The following SGMS1 variants were observed in gnomAD, a reference collection of about 807,000 sequenced individuals.
SGMS1 encodes phosphatidylcholine:ceramide cholinephosphotransferase 1.
Under a neutral mutation model 46.2 loss-of-function variants are expected in SGMS1, and 13 were observed. The ratio of observed to expected loss-of-function variants is 0.28; its 90% CI spans 0.18 to 0.45. SGMS1 has a LOEUF of 0.45. Among genes scored for constraint, SGMS1 ranks in the 20% least tolerant of loss-of-function variants. The pLI is 1.00. For synonymous variants in SGMS1, 203 were observed against 187.8 expected, an observed-to-expected ratio of 1.08 and a Z score of -0.66; for missense variants, 324 against 519.9, an observed-to-expected ratio of 0.62 and a Z score of 3.66.
intron 2 of SGMS1, among the ~76,000 whole-genome samples, chr10:50,541,573 AG>A (rs1438607840): frequency 1.1e-4 from 16 of 152,276 alleles, no homozygotes; most frequent in African/African-American, 3.4e-4. Flanking sequence ...TCAGCTTGCC[AG>A]GTCATCTTGC....
At chr10:50,379,515 G>A (rs963301638) in intron 6 of SGMS1, among the ~76,000 whole-genome samples, 1 of 152,006 alleles carries the variant, frequency 6.6e-6, no homozygotes, top group Non-Finnish European at 1.5e-5. Flanking sequence ...AGGCTACGGA[G>A]GGACAGGGAT....
chr10:50,404,901 T>TGTG (rs1369450130), intron 6 of SGMS1, among the ~76,000 whole-genome samples: 1 of 152,106 alleles, frequency 6.6e-6, no homozygotes, highest in East Asian at 1.9e-4. Context: ...ATAAAGAAGA[T>TGTG]CTGTATGTGT....
chr10:50,507,709 C>T (rs1366326306), intron 3 of SGMS1, among the ~76,000 whole-genome samples: 1 of 152,144 alleles, frequency 6.6e-6, no homozygotes, highest in African/African-American at 2.4e-5. Context: ...AGCCAATAGC[C>T]TGGTATAATA....
intron 2 of SGMS1, among the ~76,000 whole-genome samples, chr10:50,543,091 CA>C: frequency 6.6e-6 from 1 of 152,264 alleles, no homozygotes; most frequent in African/African-American, 2.4e-5. Context: ...ATAAAGTTAG[CA>C]CCCAAACTGT....
At chr10:50,362,136 C>T (rs1233374573) in intron 6 of SGMS1, among the ~76,000 whole-genome samples, 5 of 152,126 alleles carry the variant, frequency 3.3e-5, no homozygotes, top group Admixed American at 3.3e-4. Flanking sequence ...CTTATGGTTC[C>T]AGAACATGGA....
At chr10:50,440,391 A>C (rs1849528851) in intron 5 of SGMS1, among the ~76,000 whole-genome samples, 1 of 152,054 alleles carries the variant, frequency 6.6e-6, no homozygotes, top group Non-Finnish European at 1.5e-5. Flanking sequence ...AAAGTAAATA[A>C]GGGCTTATTT....
At chr10:50,469,824 G>T (rs903890127) in intron 3 of SGMS1, among the ~76,000 whole-genome samples, 1 of 152,196 alleles carries the variant, frequency 6.6e-6, no homozygotes, top group African/African-American at 2.4e-5. Flanking sequence ...GGGTAAAAAG[G>T]AATGGGCATA....
intron 1 of SGMS1, among the ~76,000 whole-genome samples, chr10:50,621,615 C>T (rs1838850671): frequency 6.6e-6 from 1 of 152,212 alleles, no homozygotes; most frequent in Non-Finnish European, 1.5e-5. Flanking sequence ...GAGTAAGATA[C>T]TGGTTTAATA....
At chr10:50,543,686 C>G (rs1838075563) in intron 2 of SGMS1, among the ~76,000 whole-genome samples, 1 of 152,140 alleles carries the variant, frequency 6.6e-6, no homozygotes, top group Non-Finnish European at 1.5e-5. Flanking sequence ...CTTACGAATC[C>G]CAAAAGCCAA....
chr10:50,411,011 G>A (rs913527270), intron 6 of SGMS1, among the ~76,000 whole-genome samples: 7 of 152,080 alleles, frequency 4.6e-5, no homozygotes, highest in African/African-American at 1.2e-4. Context: ...ATTTCTTTTG[G>A]AGTCAGGTCT....
At chr10:50,488,229 G>C (rs1235739723) in intron 3 of SGMS1, among the ~76,000 whole-genome samples, 1 of 151,846 alleles carries the variant, frequency 6.6e-6, no homozygotes, top group African/African-American at 2.4e-5. Flanking sequence ...GGCCAGGCTG[G>C]TCTCGAATTC....
intron 6 of SGMS1, among the ~76,000 whole-genome samples, chr10:50,420,397 C>T (rs1588809012): frequency 6.6e-6 from 1 of 152,182 alleles, no homozygotes; most frequent in African/African-American, 2.4e-5. Context: ...GTCTTCTAGC[C>T]GCTGTTCCAG....
At chr10:50,612,746 T>C (rs1432385352) in intron 1 of SGMS1, among the ~76,000 whole-genome samples, 1 of 152,194 alleles carries the variant, frequency 6.6e-6, no homozygotes, top group Non-Finnish European at 1.5e-5. Flanking sequence ...CCTCGCTCTG[T>C]CGCCCAGGCT....
In SGMS1 at chr10:50,566,801, G is replaced by A. The variant is rs114034160; in HGVS notation, c.-589+23352C>T. 8.1e-3 allele frequency among the ~76,000 whole-genome samples: 1,235 copies of A among 152,264 alleles called. 19 individuals carry two copies. The highest frequency in any genetic ancestry group is 0.028 in the African/African-American group (1,144 of 41,554). On this transcript the variant is annotated intron_variant, in intron 2 of 10. Coordinates refer to ENST00000361781, the MANE Select transcript of SGMS1 (RefSeq NM_147156.4). ...AAAGCTTAAGTCTCTGATGTAAAAC[G>A]GTGAAGCATTTGCATATAACCTATG...
intron 6 of SGMS1, among the ~76,000 whole-genome samples, chr10:50,373,177 G>T (rs896819929): frequency 2.6e-5 from 4 of 152,170 alleles, no homozygotes; most frequent in Non-Finnish European, 5.9e-5. Flanking sequence ...GCTTTTGAAA[G>T]TATGATAATT....
upstream of SGMS1, chr10:50,625,119 T>G (rs1480597868): frequency 5.2e-6 from 5 of 953,894 alleles, no homozygotes; most frequent in Non-Finnish European, 6.2e-6. Context: ...TACCGACCCC[T>G]GGCTTGCCCA....
intron 5 of SGMS1, among the ~76,000 whole-genome samples, chr10:50,444,300 T>C (rs986955041): frequency 3.3e-5 from 5 of 152,194 alleles, no homozygotes; most frequent in African/African-American, 1.2e-4. Flanking sequence ...AGAAACTCAA[T>C]ACAAAAACCA....
At chr10:50,355,799 C>G (rs1354048881) in intron 6 of SGMS1, among the ~76,000 whole-genome samples, 1 of 151,848 alleles carries the variant, frequency 6.6e-6, no homozygotes, top group Non-Finnish European at 1.5e-5. Flanking sequence ...AGCGCCTCTT[C>G]CCAGCCGTCA....
At chr10:50,410,629 CTG>C (rs1234962477) in intron 6 of SGMS1, among the ~76,000 whole-genome samples, 2 of 152,208 alleles carry the variant, frequency 1.3e-5, no homozygotes, top group African/African-American at 4.8e-5. Context: ...TGGCCTGACA[CTG>C]TGCACTGTGA....
Sources: allele counts gnomAD v4.1 joint callset (sites outside exome capture counted in the v4.1 genomes callset), GRCh38; gene constraint gnomAD v4.1.1; transcripts MANE v1.5; gene names NCBI Gene and HGNC (gene_info 2026-07-23, HGNC 2026-07-21).